KCND2: variants seen among roughly 807,000 people sequenced by gnomAD.
KCND2 encodes A-type voltage-gated potassium channel KCND2.
In KCND2, 16 loss-of-function variants were observed where a neutral mutation model predicts 54.4. The ratio of observed to expected loss-of-function variants is 0.29; its 90% CI spans 0.20 to 0.45. The LOEUF (loss-of-function observed/expected upper bound fraction) is 0.45. KCND2 is among the 20% of genes least tolerant of loss of function. KCND2 has a pLI of 1.00. For missense variants in KCND2, 486 were observed against 824.2 expected, an observed-to-expected ratio of 0.59 and a Z score of 5.02; for synonymous variants, 317 against 310.7, an observed-to-expected ratio of 1.02 and a Z score of -0.21.
intron 1 of KCND2, among the ~76,000 whole-genome samples, chr7:120,323,200 G>A (rs779898501): frequency 3.1e-4 from 47 of 152,026 alleles, no homozygotes; most frequent in Non-Finnish European, 6.0e-4. Context: ...CCTGTGCCCT[G>A]TGTTCTCATT....
intron 1 of KCND2, among the ~76,000 whole-genome samples, chr7:120,437,050 C>T (rs563835204): frequency 6.6e-6 from 1 of 152,116 alleles, no homozygotes; most frequent in East Asian, 1.9e-4. Flanking sequence ...CGAACTTTGC[C>T]CTGGAGAGAA....
intron 1 of KCND2, among the ~76,000 whole-genome samples, chr7:120,595,495 A>ATG (rs1215807097): frequency 1.4e-5 from 2 of 143,962 alleles, no homozygotes; most frequent in Non-Finnish European, 3.0e-5. Flanking sequence ...ATATATATAT[A>ATG]TATGTGTGTG....
chr7:120,419,380 A>G (rs193272592), intron 1 of KCND2, among the ~76,000 whole-genome samples: 165 of 152,296 alleles, frequency 1.1e-3, no homozygotes, highest in Admixed American at 4.8e-3. Context: ...AAGAAAAGAA[A>G]ATCCTTTGTC....
chr7:120,559,863 G>A (rs913096417), intron 1 of KCND2, among the ~76,000 whole-genome samples: 1 of 152,118 alleles, frequency 6.6e-6, no homozygotes, highest in African/African-American at 2.4e-5. Flanking sequence ...AGAAAATTAA[G>A]CAAGGCCTTA....
At chr7:120,306,678 T>C (rs1799654584) in intron 1 of KCND2, among the ~76,000 whole-genome samples, 1 of 152,086 alleles carries the variant, frequency 6.6e-6, no homozygotes, top group African/African-American at 2.4e-5. Context: ...TGAAACTCCA[T>C]GTTTATGTGT....
chr7:120,582,367 T>C (rs899490243), intron 1 of KCND2, among the ~76,000 whole-genome samples: 6 of 152,190 alleles, frequency 3.9e-5, no homozygotes, highest in Non-Finnish European at 7.3e-5. Flanking sequence ...TTGACCATTA[T>C]ATATACTCTC....
chr7:120,397,975 G>A (rs1298790272), intron 1 of KCND2, among the ~76,000 whole-genome samples: 9 of 28,646 alleles, frequency 3.1e-4, no homozygotes, highest in African/African-American at 8.8e-4. Context: ...GTATATAAGT[G>A]TGTGTGTGTG....
intron 1 of KCND2, 76 bp downstream of exon 1, chr7:120,275,823 T>G (rs1584706986): frequency 6.8e-7 from 1 of 1,462,002 alleles, no homozygotes; most frequent in South Asian, 1.1e-5. Context: ...GGTTACATGG[T>G]AACTCCGGGG....
chr7:120,648,390 G>A (rs1190658766), intron 1 of KCND2, among the ~76,000 whole-genome samples: 1 of 151,990 alleles, frequency 6.6e-6, no homozygotes, highest in Non-Finnish European at 1.5e-5. Flanking sequence ...AGTAGTAGGT[G>A]GAAGAGAAGG....
chr7:120,523,582 T>TAC (rs1221108102), intron 1 of KCND2, among the ~76,000 whole-genome samples: 229 of 148,162 alleles, frequency 1.5e-3, no homozygotes, highest in African/African-American at 4.9e-3. Flanking sequence ...AAAAAAAACA[T>TAC]ACACACACAC....
intron 1 of KCND2, among the ~76,000 whole-genome samples, chr7:120,395,163 T>G (rs1032320223): frequency 1.3e-5 from 2 of 152,168 alleles, no homozygotes; most frequent in African/African-American, 4.8e-5. Context: ...CATAACTGTT[T>G]TGTGTCTTTT....
intron 1 of KCND2, among the ~76,000 whole-genome samples, chr7:120,711,171 A>G (rs957462995): frequency 8.5e-5 from 13 of 152,238 alleles, no homozygotes; most frequent in African/African-American, 3.1e-4. Flanking sequence ...ATAAAAGATG[A>G]CAAATTAGAT....
chr7:120,361,567 A>G (rs974100458), intron 1 of KCND2, among the ~76,000 whole-genome samples: 3 of 152,092 alleles, frequency 2.0e-5, no homozygotes, highest in African/African-American at 7.2e-5. Flanking sequence ...TGAAGCATTC[A>G]GGGCAGGTGA....
intron 1 of KCND2, among the ~76,000 whole-genome samples, chr7:120,438,613 C>T (rs1167753477): frequency 1.3e-5 from 2 of 152,028 alleles, no homozygotes; most frequent in African/African-American, 2.4e-5. Flanking sequence ...TTTGTGGCTG[C>T]TTCATGGTCA....
At chr7:120,668,438 C>T (rs1335491650) in intron 1 of KCND2, among the ~76,000 whole-genome samples, 1 of 151,980 alleles carries the variant, frequency 6.6e-6, no homozygotes, top group East Asian at 1.9e-4. Flanking sequence ...AACAACAGGC[C>T]TTTAAAATAA....
chr7:120,390,140 T>G (rs1801051984), intron 1 of KCND2, among the ~76,000 whole-genome samples: 1 of 151,794 alleles, frequency 6.6e-6, no homozygotes, highest in Non-Finnish European at 1.5e-5. Flanking sequence ...TCCTAGCTAC[T>G]AATGGAAACA....
At chr7:120,557,389 A>G (rs1457042193) in intron 1 of KCND2, among the ~76,000 whole-genome samples, 2 of 152,116 alleles carry the variant, frequency 1.3e-5, no homozygotes, top group Non-Finnish European at 2.9e-5. Flanking sequence ...CAAATATGTA[A>G]TTAGATAGAA....
chr7:120,530,648 A>G (rs1018541308), intron 1 of KCND2, among the ~76,000 whole-genome samples: 2 of 152,088 alleles, frequency 1.3e-5, no homozygotes, highest in Non-Finnish European at 2.9e-5. Context: ...GGTTTTCCCT[A>G]TACTAGGTCA....
At chr7:120,465,498 G>A (rs968418017) in intron 1 of KCND2, among the ~76,000 whole-genome samples, 11 of 151,548 alleles carry the variant, frequency 7.3e-5, no homozygotes, top group African/African-American at 2.4e-4. Context: ...ACAATAAATG[G>A]ACCATGAAAA....
Sources: allele counts gnomAD v4.1 joint callset (sites outside exome capture counted in the v4.1 genomes callset), GRCh38; gene constraint gnomAD v4.1.1; transcripts MANE v1.5; gene names NCBI Gene and HGNC (gene_info 2026-07-23, HGNC 2026-07-21).